Variants in HDLBP observed in about 807,000 individuals in gnomAD.
HDLBP encodes vigilin.
Under a neutral mutation model 137.3 loss-of-function variants are expected in HDLBP, and 30 were observed. That is an observed-to-expected ratio of 0.22 (90% CI 0.16 to 0.30). The LOEUF (loss-of-function observed/expected upper bound fraction) is 0.30. Ranked by LOEUF, HDLBP falls within the 10% of genes least tolerant of loss-of-function variation. The probability of loss-of-function intolerance (pLI) is 1.00; values close to 1 mark genes in which losing one functional copy is unlikely to be tolerated. For synonymous variants in HDLBP, 606 were observed against 596.0 expected, an observed-to-expected ratio of 1.02 and a Z score of -0.24; for missense variants, 1,119 against 1,667.3, an observed-to-expected ratio of 0.67 and a Z score of 5.73.
chr2:241,261,024 C>A (rs1450543665), intron 5 of HDLBP, among the ~76,000 whole-genome samples: 2 of 132,598 alleles, frequency 1.5e-5, no homozygotes, highest in Non-Finnish European at 3.3e-5. Context: ...AAACCCGCAT[C>A]TGCCAAAAAA....
At chr2:241,268,669 T>C (rs984485240) in intron 1 of HDLBP, 128 bp from the exon 2 acceptor site, 1 of 201,500 alleles carries the variant, frequency 5.0e-6, no homozygotes. Flanking sequence ...CTTTGGTTAC[T>C]AACACCAATA....
chr2:241,256,895 T>C, intron 5 of HDLBP, 89 bp from the exon 6 acceptor site: 1 of 1,099,000 alleles, frequency 9.1e-7, no homozygotes, highest in Non-Finnish European at 1.4e-6. Flanking sequence ...AGAAACACCA[T>C]CTTTGCTTAT....
At chr2:241,267,772 C>T in intron 2 of HDLBP, 1 of 1,511,264 alleles carries the variant, frequency 6.6e-7, no homozygotes, top group South Asian at 1.2e-5. Flanking sequence ...ACAAATTGCG[C>T]TAAATGCCCT....
chr2:241,270,046 C>A (rs115038622), intron 1 of HDLBP, among the ~76,000 whole-genome samples: 1 of 152,210 alleles, frequency 6.6e-6, no homozygotes, highest in Non-Finnish European at 1.5e-5. Flanking sequence ...TAGAAGTCTG[C>A]AAAATGCAGT....
intron 1 of HDLBP, among the ~76,000 whole-genome samples, chr2:241,269,859 G>A (rs1481425536): frequency 1.3e-5 from 2 of 152,090 alleles, no homozygotes; most frequent in African/African-American, 2.4e-5. Flanking sequence ...AGTGACACTT[G>A]CCTCTGGTCT....
At chr2:241,283,497 CAG>C (rs952393486) in intron 1 of HDLBP, among the ~76,000 whole-genome samples, 5 of 149,146 alleles carry the variant, frequency 3.4e-5, no homozygotes, top group African/African-American at 9.9e-5. Context: ...TTTCTTGAGA[CAG>C]AGTCTCGCTC....
Position 241,300,041 on chromosome 2 carries a change from A to G in HDLBP, c.-103+15529T>C, listed in dbSNP as rs114478312. Among the ~76,000 whole-genome samples the G allele has an allele frequency of 7.1e-3, 1,081 of 152,292 alleles. 4 individuals carry two copies. The highest frequency in any genetic ancestry group is 0.023 in the African/African-American group (953 of 41,586). ...TCACGATTCTAAAGTCTGTCACCCA[A>G]TCATTTTCTCAAACTTCATAAAAGA... On this transcript the variant is annotated intron_variant, in intron 1 of 27. Coordinates refer to ENST00000310931, the MANE Select transcript of HDLBP (RefSeq NM_005336.6).
At chr2:241,241,566 C>CAAAAAAAAAAAAAAA (rs56864201) in intron 17 of HDLBP, among the ~76,000 whole-genome samples, 1 of 31,432 alleles carries the variant, frequency 3.2e-5, no homozygotes, top group Non-Finnish European at 5.0e-5. Flanking sequence ...GACTCCGTCT[C>CAAAAAAAAAAAAAAA]AAAAAAAAAA....
chr2:241,282,779 C>G (rs1678334030), intron 1 of HDLBP, among the ~76,000 whole-genome samples: 1 of 152,202 alleles, frequency 6.6e-6, no homozygotes, highest in East Asian at 1.9e-4. Flanking sequence ...TGTGTGTGTT[C>G]TGACTGCTCC....
intron 11 of HDLBP, among the ~76,000 whole-genome samples, chr2:241,252,154 C>T (rs1305644316): frequency 1.3e-5 from 2 of 152,280 alleles, no homozygotes; most frequent in East Asian, 3.9e-4. Flanking sequence ...ACACCTACAA[C>T]CTGGCACAGG....
intron 7 of HDLBP, 38 bp downstream of exon 7, chr2:241,256,146 T>C: frequency 6.5e-7 from 1 of 1,544,424 alleles, no homozygotes; most frequent in Non-Finnish European, 9.0e-7. Context: ...TCATTTCTAT[T>C]CCTGCCCATG....
intron 1 of HDLBP, among the ~76,000 whole-genome samples, chr2:241,305,641 C>T (rs989462540): frequency 6.6e-6 from 1 of 152,216 alleles, no homozygotes; most frequent in Non-Finnish European, 1.5e-5. Flanking sequence ...CCACAAAGGT[C>T]TCTGGACACT....
At chr2:241,289,838 G>T (rs2074949901) in intron 1 of HDLBP, among the ~76,000 whole-genome samples, 1 of 152,144 alleles carries the variant, frequency 6.6e-6, no homozygotes, top group Admixed American at 6.5e-5. Context: ...GCATCAACGT[G>T]GGGTGAGTAT....
chr2:241,246,889 G>A lies in HDLBP; in HGVS notation c.1819-6C>T. Reference sequence around the variant, plus strand: ...GTGTTGCTTTCTTCACGAATCTACAGGGAGAGAGATCACCATGAGAAGCTG... The same window carrying A: ...GTGTTGCTTTCTTCACGAATCTACAAGGAGAGAGATCACCATGAGAAGCTG... On this transcript the variant is annotated splice_polypyrimidine_tract_variant and splice_region_variant and intron_variant, in intron 15 of 27. Coordinates refer to ENST00000310931, the MANE Select transcript of HDLBP (RefSeq NM_005336.6). 1.9e-6 allele frequency: 3 copies of A among 1,614,036 alleles called. No homozygotes were observed. The highest frequency in any genetic ancestry group is 8.5e-7 in the Non-Finnish European group (1 of 1,179,902).
At chr2:241,256,510 T>C (rs1237579645) in intron 6 of HDLBP, 90 bp downstream of exon 6, 14 of 1,519,906 alleles carry the variant, frequency 9.2e-6, no homozygotes, top group Non-Finnish European at 1.1e-5. Flanking sequence ...CATTATGCCT[T>C]GAAGTCCACA....
intron 23 of HDLBP, among the ~76,000 whole-genome samples, 187 bp from the exon 24 acceptor site, chr2:241,234,150 C>T (rs968194911): frequency 3.9e-5 from 6 of 152,154 alleles, no homozygotes; most frequent in African/African-American, 1.4e-4. Context: ...TAATGAGAAC[C>T]AGGGAACTTG....
chr2:241,255,291 GGA>G (rs1384100055), intron 8 of HDLBP, 81 bp downstream of exon 8: 12 of 1,452,876 alleles, frequency 8.3e-6, no homozygotes, highest in Non-Finnish European at 9.6e-6. Flanking sequence ...CCAGGCCCCA[GGA>G]TTTACAAATC....
At chr2:241,241,426 G>A (rs1472406634) in intron 17 of HDLBP, among the ~76,000 whole-genome samples, 1 of 151,926 alleles carries the variant, frequency 6.6e-6, no homozygotes, top group Non-Finnish European at 1.5e-5. Flanking sequence ...AATTAGCTGG[G>A]TGAGGTGTCG....
chr2:241,238,600 T>C lies in HDLBP; in HGVS notation c.2749+49A>G, dbSNP rs1043818817. On this transcript the variant is annotated intron_variant, in intron 20 of 27. Coordinates refer to ENST00000310931, the MANE Select transcript of HDLBP (RefSeq NM_005336.6). This position sits in a 1 kb window ranked among gnomAD's most constrained non-coding sequence, Gnocchi z 4.9. ...ATGTGCGACAGCCCCGCCTCTCACATGGGAGGCGCCACTATTAACAAGCAG... is the reference window on the plus strand; with the variant it reads ...ATGTGCGACAGCCCCGCCTCTCACACGGGAGGCGCCACTATTAACAAGCAG... 3.5e-6 allele frequency: 5 copies of C among 1,420,948 alleles called. No individual in the cohort carries two copies. In the East Asian group the frequency reaches 7.4e-5, roughly 21 times the overall value. The allele number at this position is 1,420,948 out of a possible 1,614,324, so 88.0% of individuals were successfully genotyped here.
Sources: gnomAD v4.1 joint callset for allele counts (sites outside exome capture counted in the v4.1 genomes callset) on GRCh38, gnomAD v4.1.1 for gene constraint, Gnocchi (gnomAD v3.1) non-coding constraint, MANE v1.5 for transcripts, NCBI Gene and HGNC (gene_info 2026-07-23, HGNC 2026-07-21) for gene names.